RELL1: variants seen among roughly 807,000 people sequenced by gnomAD.
RELL1 encodes RELT-like protein 1.
RELL1 carries 10 observed loss-of-function variants against 23.0 expected under a neutral mutation model. The ratio of observed to expected loss-of-function variants is 0.43; its 90% CI spans 0.27 to 0.74. The LOEUF (loss-of-function observed/expected upper bound fraction) is 0.74, where lower values mean the gene tolerates loss of function less well. Among genes scored for constraint, RELL1 ranks in the 30% least tolerant of loss-of-function variants. RELL1 has a pLI of 0.19. For synonymous variants in RELL1, 146 were observed against 146.8 expected (o/e 0.99, Z 0.04); for missense variants, 315 against 364.4 (o/e 0.86, Z 1.10).
At chr4:37,649,245 AC>A (rs1720807883) in intron 2 of RELL1, 30 bp downstream of exon 2, 1 of 1,545,660 alleles carries the variant, frequency 6.5e-7, no homozygotes. Flanking sequence ...CTGTCTCCTC[AC>A]CCCCAATAAA....
chr4:37,645,061 G>T (rs1198241499), intron 3 of RELL1, among the ~76,000 whole-genome samples: 1 of 152,162 alleles, frequency 6.6e-6, no homozygotes, highest in South Asian at 2.1e-4. Context: ...CACAGAACAG[G>T]CCCAGCACAT....
Position 37,649,363 on chromosome 4 carries a change from G to C in RELL1, c.226C>G (p.Leu76Val). The C allele has an allele frequency of 6.2e-7, 1 of 1,614,226 alleles. No homozygotes were observed. The highest frequency in any genetic ancestry group is 2.2e-5 in the East Asian group (1 of 44,892). The change falls in exon 2 of 7, where the codon CTC becomes GTC. Residue 76 changes from leucine to valine, a missense_variant. Physicochemically the swap from Leu to Val is conservative, Grantham distance 32. Transcript: ENST00000454158. ...VFFIMGLFGV[L>V]ICHLLKKKGY... The stretch of plus-strand genomic sequence containing the variant: ...TTCTTCTTAAGCAGGTGGCAAATGA[G>C]GACGCCAAAGAGACCCATGATAAAG...
chr4:37,655,306 C>T, intron 1 of RELL1, among the ~76,000 whole-genome samples: 1 of 152,086 alleles, frequency 6.6e-6, no homozygotes, highest in East Asian at 1.9e-4. Context: ...TTGTCACCCC[C>T]TCCTAAATTT....
chr4:37,656,257 G>A (rs1170706105), intron 1 of RELL1, among the ~76,000 whole-genome samples: 1 of 152,124 alleles, frequency 6.6e-6, no homozygotes, highest in South Asian at 2.1e-4. Flanking sequence ...GACACCAAAG[G>A]ACAAATACTA....
chr4:37,636,841 C>T (rs920922309), intron 4 of RELL1, among the ~76,000 whole-genome samples: 2 of 152,056 alleles, frequency 1.3e-5, no homozygotes, highest in South Asian at 2.1e-4. Flanking sequence ...CCAGCCTTTT[C>T]GGTGATGCAA....
intron 6 of RELL1, among the ~76,000 whole-genome samples, chr4:37,596,722 ATATATATATATATATTTTTTTTT>A (rs1560319795): frequency 9.2e-5 from 1 of 10,918 alleles, no homozygotes; most frequent in Non-Finnish European, 3.4e-4. Flanking sequence ...ATATATATAT[ATATATATATATATATTTTTTTTT>A]TTTTTTTTTT....
chr4:37,654,090 A>C (rs1721041134), intron 1 of RELL1, among the ~76,000 whole-genome samples: 1 of 152,228 alleles, frequency 6.6e-6, no homozygotes, highest in Admixed American at 6.5e-5. Context: ...AAACAATATT[A>C]ATATGTAAAG....
intron 1 of RELL1, chr4:37,665,374 A>C (rs117426554): frequency 0.033 from 14,996 of 448,222 alleles, 1,146 homozygotes; most frequent in South Asian, 0.16. Flanking sequence ...AGAAGTTTCC[A>C]GTTTGCAAAG....
chr4:37,609,832 GA>G (rs1285996818), downstream of RELL1, among the ~76,000 whole-genome samples: 3 of 152,182 alleles, frequency 2.0e-5, no homozygotes, highest in Non-Finnish European at 4.4e-5. Flanking sequence ...AATAGATGAG[GA>G]ATTGCTTAAC....
intron 1 of RELL1, among the ~76,000 whole-genome samples, chr4:37,663,810 T>G (rs1285476993): frequency 1.3e-5 from 2 of 152,256 alleles, no homozygotes; most frequent in East Asian, 3.9e-4. Context: ...TTTAGGTGGC[T>G]TTGTTAAACT....
chr4:37,677,080 G>A (rs750926456), intron 1 of RELL1, among the ~76,000 whole-genome samples: 1 of 152,178 alleles, frequency 6.6e-6, no homozygotes, highest in Non-Finnish European at 1.5e-5. Flanking sequence ...AGTCCCTTCT[G>A]AATCTAAAAT....
chr4:37,663,634 C>T (rs1287118064), intron 1 of RELL1, among the ~76,000 whole-genome samples: 2 of 152,274 alleles, frequency 1.3e-5, no homozygotes, highest in Non-Finnish European at 2.9e-5. Flanking sequence ...TACCCCCATT[C>T]GCAGATGAGG....
intron 1 of RELL1, among the ~76,000 whole-genome samples, chr4:37,663,159 A>G (rs2109299899): frequency 6.6e-6 from 1 of 152,136 alleles, no homozygotes; most frequent in African/African-American, 2.4e-5. Context: ...CTCTCTCCCC[A>G]TCTTCTTTTC....
chr4:37,669,432 C>G (rs1002698959), intron 1 of RELL1, among the ~76,000 whole-genome samples: 1 of 150,484 alleles, frequency 6.6e-6, no homozygotes, highest in African/African-American at 2.5e-5. Flanking sequence ...CCCCACCCGG[C>G]CAGCCACCCC....
intron 6 of RELL1, among the ~76,000 whole-genome samples, chr4:37,630,036 T>C (rs1285989232): frequency 6.6e-6 from 1 of 152,090 alleles, no homozygotes; most frequent in Non-Finnish European, 1.5e-5. Flanking sequence ...GGTTAGTGAG[T>C]GGCACACTGG....
downstream of RELL1, among the ~76,000 whole-genome samples, chr4:37,608,423 G>A (rs1719286985): frequency 6.6e-6 from 1 of 152,106 alleles, no homozygotes; most frequent in African/African-American, 2.4e-5. Context: ...ATAAGAAAGT[G>A]CAACAGCCTT....
downstream of RELL1, chr4:37,590,640 T>G (rs1323658784): frequency 6.2e-7 from 1 of 1,614,022 alleles, no homozygotes; most frequent in Non-Finnish European, 8.5e-7. Flanking sequence ...GGGGCCCAGC[T>G]GGAGACAACG....
chr4:37,665,611 G>A (rs1000746333), intron 1 of RELL1, among the ~76,000 whole-genome samples: 1 of 152,174 alleles, frequency 6.6e-6, no homozygotes, highest in Non-Finnish European at 1.5e-5. Flanking sequence ...GGCCAACCAA[G>A]AACTAGGTTA....
chr4:37,668,154 CA>C (rs1721602639), intron 1 of RELL1, among the ~76,000 whole-genome samples: 1 of 151,970 alleles, frequency 6.6e-6, no homozygotes, highest in Non-Finnish European at 1.5e-5. Context: ...AGTAAAATCA[CA>C]AAATGTTTTT....
Sources: gnomAD v4.1 joint callset for allele counts (sites outside exome capture counted in the v4.1 genomes callset) on GRCh38, gnomAD v4.1.1 for gene constraint, MANE v1.5 for transcripts, NCBI Gene and HGNC (gene_info 2026-07-23, HGNC 2026-07-21) for gene names.